The following ASIC2 variants were observed in gnomAD, a reference collection of about 807,000 sequenced individuals.
ASIC2 encodes acid sensing ion channel subunit 2.
ASIC2 carries 25 observed loss-of-function variants against 57.3 expected under a neutral mutation model. That is an observed-to-expected ratio of 0.44 (90% CI 0.32 to 0.61). The LOEUF is 0.61. ASIC2 is among the 20% of genes least tolerant of loss of function. ASIC2 has a pLI of 0.06. For synonymous variants in ASIC2, 319 were observed against 307.5 expected (o/e 1.04, Z -0.39); for missense variants, 641 against 738.1 (o/e 0.87, Z 1.52).
rs549853432 is a variant in ASIC2, at chr17:33,392,827, C to A, written c.556-280760G>T. On this transcript the variant is annotated intron_variant, in intron 1 of 9. Coordinates refer to the ASIC2 transcript ENST00000359872. ...TATGGGCATTCCTCTGAACGCTATACTTTATAGAAGCAGAGACCATAAATG... is the reference window on the plus strand; with the variant it reads ...TATGGGCATTCCTCTGAACGCTATAATTTATAGAAGCAGAGACCATAAATG... Among the ~76,000 whole-genome samples, 18 of 152,282 alleles carry A rather than the reference C, an allele frequency of 1.2e-4. No homozygotes were observed. In the South Asian group the frequency reaches 2.1e-3, roughly 18 times the overall value.
intron 1 of ASIC2, among the ~76,000 whole-genome samples, chr17:33,420,822 C>T (rs562341618): frequency 6.6e-6 from 1 of 152,184 alleles, no homozygotes; most frequent in African/African-American, 2.4e-5. Flanking sequence ...AAAGAGCTCA[C>T]TCCAGCCTGC....
intron 2 of ASIC2, among the ~76,000 whole-genome samples, chr17:33,090,611 G>A (rs1483243883): frequency 2.0e-5 from 3 of 152,156 alleles, no homozygotes; most frequent in African/African-American, 7.2e-5. Context: ...GATGGAGAGG[G>A]GGAGGACATG....
chr17:34,123,867 A>G (rs947549561), intron 1 of ASIC2, among the ~76,000 whole-genome samples: 1 of 152,108 alleles, frequency 6.6e-6, no homozygotes, highest in African/African-American at 2.4e-5. Context: ...AGATCACTTG[A>G]GGTCAGGAGT....
chr17:33,921,741 T>TA (rs1189972741), intron 1 of ASIC2, among the ~76,000 whole-genome samples: 5 of 152,168 alleles, frequency 3.3e-5, no homozygotes, highest in African/African-American at 1.2e-4. Context: ...GATGGGGAGT[T>TA]ACGACCACAG....
At chr17:33,192,729 C>T (rs762405746) in intron 1 of ASIC2, among the ~76,000 whole-genome samples, 13 of 152,284 alleles carry the variant, frequency 8.5e-5, no homozygotes, top group Non-Finnish European at 1.3e-4. Context: ...GAGGAGAAAT[C>T]GGAAAGCTGC....
intron 1 of ASIC2, among the ~76,000 whole-genome samples, chr17:33,855,948 A>G (rs1913915626): frequency 6.6e-6 from 1 of 152,194 alleles, no homozygotes; most frequent in African/African-American, 2.4e-5. Flanking sequence ...GAGATTAAAA[A>G]ATGATAAGGT....
At chr17:34,071,808 C>A (rs1159380218) in intron 1 of ASIC2, 2 of 139,296 alleles carry the variant, frequency 1.4e-5, no homozygotes, top group East Asian at 4.1e-4. Context: ...CCAGCCTGGA[C>A]AACAGAGCGA....
chr17:34,130,472 A>T lies in ASIC2; in HGVS notation c.555+25506T>A, dbSNP rs1911918916. On this transcript the variant is annotated intron_variant, in intron 1 of 9. Coordinates refer to the ASIC2 transcript ENST00000359872. The stretch of plus-strand genomic sequence containing the variant: ...TATATCTAACTAGTCCCAGTGCAAC[A>T]CACATTTACTGGACATCATCTATGT... 6.6e-5 allele frequency among the ~76,000 whole-genome samples: 10 copies of T among 152,258 alleles called. No homozygotes were observed. The South Asian group carries it at 2.1e-3, about 32-fold the overall frequency.
chr17:33,576,195 T>C (rs986667667), intron 1 of ASIC2, among the ~76,000 whole-genome samples: 46 of 152,300 alleles, frequency 3.0e-4, no homozygotes, highest in Middle Eastern at 3.4e-3. Flanking sequence ...CCCAGACTGT[T>C]GTGCATGACT....
intron 1 of ASIC2, among the ~76,000 whole-genome samples, chr17:33,377,534 A>T (rs1195269977): frequency 6.6e-6 from 1 of 152,170 alleles, no homozygotes; most frequent in Non-Finnish European, 1.5e-5. Context: ...TTCATCTTAT[A>T]CTGTCCCTTC....
At chr17:33,818,102 C>T (rs879526843) in intron 1 of ASIC2, among the ~76,000 whole-genome samples, 2 of 152,136 alleles carry the variant, frequency 1.3e-5, no homozygotes, top group Non-Finnish European at 2.9e-5. Flanking sequence ...ATCAGCGCAG[C>T]CATAAAGATC....
intron 1 of ASIC2, among the ~76,000 whole-genome samples, chr17:34,099,876 A>C (rs1017772512): frequency 1.3e-5 from 2 of 152,236 alleles, no homozygotes; most frequent in Admixed American, 1.3e-4. Flanking sequence ...GGAAGGTAGA[A>C]TACATGGTAT....
In ASIC2 at chr17:33,435,812, C is replaced by T. The variant is rs560487665; in HGVS notation, c.556-323745G>A. On this transcript the variant is annotated intron_variant, in intron 1 of 9. Coordinates refer to the ASIC2 transcript ENST00000359872. Reference sequence around the variant, plus strand: ...TGAAAGGAAAATGAACATTAGTTGCCTCCTGATGTACCACTTGTGGTCTGG... The same window carrying T: ...TGAAAGGAAAATGAACATTAGTTGCTTCCTGATGTACCACTTGTGGTCTGG... 4.6e-5 allele frequency among the ~76,000 whole-genome samples: 7 copies of T among 152,320 alleles called. No homozygotes were observed. The East Asian group carries it at 1.4e-3, about 29-fold the overall frequency.
chr17:33,909,866 C>T (rs1235422991), intron 1 of ASIC2, among the ~76,000 whole-genome samples: 1 of 152,090 alleles, frequency 6.6e-6, no homozygotes, highest in Non-Finnish European at 1.5e-5. Flanking sequence ...TTCTCTCATC[C>T]CCTGAAGAGA....
In ASIC2 at chr17:34,011,878, C is replaced by T. The variant is rs567373821; in HGVS notation, c.555+144100G>A. Among the ~76,000 whole-genome samples the T allele has an allele frequency of 1.2e-4, 19 of 152,330 alleles. No homozygotes were observed. In the East Asian group the frequency reaches 3.7e-3, roughly 29 times the overall value. ...TTCAGCAGTTTACCCTTCAGACACT[C>T]CTGTGTCCCAAGGTCCTGGCCTCAG... On this transcript the variant is annotated intron_variant, in intron 1 of 9. Transcript: ENST00000359872.
chr17:33,662,610 A>T (rs373358459), intron 1 of ASIC2, among the ~76,000 whole-genome samples: 3 of 149,942 alleles, frequency 2.0e-5, no homozygotes, highest in African/African-American at 7.4e-5. Flanking sequence ...GTGACAAAGC[A>T]AGACTCTGTC....
At chr17:33,405,776 C>G (rs370567270) in intron 1 of ASIC2, among the ~76,000 whole-genome samples, 4 of 152,200 alleles carry the variant, frequency 2.6e-5, no homozygotes, top group African/African-American at 9.6e-5. Flanking sequence ...GCCACCACAC[C>G]GGGCCAAGAC....
intron 1 of ASIC2, among the ~76,000 whole-genome samples, chr17:34,054,662 G>A (rs1347710613): frequency 2.0e-5 from 3 of 152,164 alleles, no homozygotes; most frequent in Non-Finnish European, 4.4e-5. Flanking sequence ...TCAGTCTCAT[G>A]ATCTTTAAAT....
chr17:34,099,488 G>T, intron 1 of ASIC2, among the ~76,000 whole-genome samples: 1 of 111,886 alleles, frequency 8.9e-6, no homozygotes, highest in Non-Finnish European at 1.7e-5. Flanking sequence ...AAGGAAGGAG[G>T]GAAAAGAAGG....
Sources: gnomAD v4.1 joint callset for allele counts (sites outside exome capture counted in the v4.1 genomes callset) on GRCh38, gnomAD v4.1.1 for gene constraint, MANE v1.5 for transcripts, NCBI Gene and HGNC (gene_info 2026-07-23, HGNC 2026-07-21) for gene names.